The following CSMD1 variants were observed in gnomAD, a reference collection of about 807,000 sequenced individuals.
CSMD1 encodes CUB and sushi domain-containing protein 1.
Under a neutral mutation model 417.5 loss-of-function variants are expected in CSMD1, and 213 were observed. The ratio of observed to expected loss-of-function variants is 0.51; its 90% CI spans 0.46 to 0.57. The LOEUF (loss-of-function observed/expected upper bound fraction) is 0.57. Among genes scored for constraint, CSMD1 ranks in the 20% least tolerant of loss-of-function variants. The pLI, the probability that CSMD1 is intolerant of heterozygous loss-of-function variation, is 0.00. For missense variants in CSMD1, 6,923 were observed against 4,529.7 expected, an observed-to-expected ratio of 1.53 and a Z score of -15.17; for synonymous variants, 2,862 against 1,736.8, an observed-to-expected ratio of 1.65 and a Z score of -16.11.
chr8:3,853,109 C>A (rs1268190708), intron 5 of CSMD1, among the ~76,000 whole-genome samples: 1 of 152,144 alleles, frequency 6.6e-6, no homozygotes. Context: ...CATTCTTGAT[C>A]CAAAAGCAGC....
chr8:4,307,963 A>T (rs1798340766), intron 3 of CSMD1, among the ~76,000 whole-genome samples: 1 of 152,166 alleles, frequency 6.6e-6, no homozygotes, highest in Non-Finnish European at 1.5e-5. Flanking sequence ...GGAGAGACAC[A>T]CCTGAAGAAA....
At chr8:4,497,838 A>T (rs1802054922) in intron 2 of CSMD1, among the ~76,000 whole-genome samples, 1 of 152,164 alleles carries the variant, frequency 6.6e-6, no homozygotes, top group South Asian at 2.1e-4. Flanking sequence ...CGGTAGAAAA[A>T]TAATTTCTTT....
intron 5 of CSMD1, among the ~76,000 whole-genome samples, chr8:3,843,463 T>C (rs1365773977): frequency 2.0e-5 from 3 of 152,124 alleles, no homozygotes; most frequent in African/African-American, 7.2e-5. Flanking sequence ...AAGATCAAAA[T>C]GACAAATTAC....
intron 12 of CSMD1, among the ~76,000 whole-genome samples, chr8:3,433,225 T>C (rs765687185): frequency 6.6e-6 from 1 of 152,214 alleles, no homozygotes; most frequent in Non-Finnish European, 1.5e-5. Flanking sequence ...GTTGTTGACA[T>C]AGAGATGTAG....
chr8:4,586,995 T>A (rs531089831), intron 2 of CSMD1, among the ~76,000 whole-genome samples: 1 of 152,240 alleles, frequency 6.6e-6, no homozygotes, highest in Admixed American at 6.5e-5. Context: ...TAAAAAGTTA[T>A]AATAGAGATA....
At position 3,843,244 on chromosome 8, in the gene CSMD1, C is replaced by G. The variant is rs1417261163; in HGVS notation, c.819-89202G>C. Among the ~76,000 whole-genome samples the G allele has an allele frequency of 3.3e-5, 5 of 152,168 alleles. No individual in the cohort carries two copies. In the East Asian group the frequency reaches 7.7e-4, roughly 23 times the overall value. On this transcript the variant is annotated intron_variant, in intron 5 of 69. Transcript: ENST00000635120. Reference sequence around the variant, plus strand: ...TTTGTAATTAACACAAAATCATCTGCTGATAAACTACTCCACTAAAAATAC... The same window carrying G: ...TTTGTAATTAACACAAAATCATCTGGTGATAAACTACTCCACTAAAAATAC...
At chr8:4,590,516 G>T (rs867032376) in intron 2 of CSMD1, among the ~76,000 whole-genome samples, 2 of 151,888 alleles carry the variant, frequency 1.3e-5, no homozygotes, top group East Asian at 1.9e-4. Flanking sequence ...TATTTGAAGC[G>T]CTAGCATAAT....
At chr8:3,740,209 G>A (rs757850444) in intron 6 of CSMD1, among the ~76,000 whole-genome samples, 32 of 152,258 alleles carry the variant, frequency 2.1e-4, no homozygotes, top group Middle Eastern at 3.4e-3. Context: ...AGGTTCAAGT[G>A]AGTCTCCTGC....
intron 1 of CSMD1, among the ~76,000 whole-genome samples, chr8:4,672,067 T>C (rs572845396): frequency 5.3e-5 from 8 of 152,136 alleles, no homozygotes; most frequent in South Asian, 2.1e-4. Flanking sequence ...TGTTGAAAGA[T>C]AGAGTTTCCT....
intron 21 of CSMD1, among the ~76,000 whole-genome samples, chr8:3,350,086 TATAATAACCTATA>T (rs1808312522): frequency 7.8e-6 from 1 of 127,758 alleles, no homozygotes; most frequent in African/African-American, 3.3e-5. Context: ...TTATAATACC[TATAATAACCTATA>T]ATAACTTGTG....
Position 4,219,305 on chromosome 8 carries a change from T to G in CSMD1, c.416-187206A>C, listed in dbSNP as rs117863244. 5.6e-4 allele frequency among the ~76,000 whole-genome samples: 85 copies of G among 152,352 alleles called. 1 individual carries two copies. The East Asian group carries it at 0.016, about 28-fold the overall frequency. ...TTTCAGTTCAAATGCAGGTCTTTTC[T>G]TCTCTCTCAGTAATTTCATTCACTT... On this transcript the variant is annotated intron_variant, in intron 3 of 69. Coordinates refer to ENST00000635120, the MANE Select transcript of CSMD1 (RefSeq NM_033225.6).
intron 1 of CSMD1, among the ~76,000 whole-genome samples, chr8:4,732,181 G>A (rs1328110503): frequency 1.3e-5 from 2 of 152,130 alleles, no homozygotes; most frequent in African/African-American, 4.8e-5. Flanking sequence ...GCGTTCGGTA[G>A]CAGACCGCAG....
chr8:3,631,889 T>C (rs141760371), intron 7 of CSMD1, among the ~76,000 whole-genome samples: 1 of 152,302 alleles, frequency 6.6e-6, no homozygotes, highest in African/African-American at 2.4e-5. Flanking sequence ...AACCTGACTT[T>C]ATGCAGAGTA....
At chr8:4,318,931 A>G (rs1369007477) in intron 3 of CSMD1, among the ~76,000 whole-genome samples, 2 of 152,158 alleles carry the variant, frequency 1.3e-5, no homozygotes, top group African/African-American at 4.8e-5. Context: ...TTTTAATTTT[A>G]CTCTCTTTAT....
At chr8:3,536,953 A>G (rs189530193) in intron 10 of CSMD1, among the ~76,000 whole-genome samples, 155 of 152,224 alleles carry the variant, frequency 1.0e-3, no homozygotes, top group African/African-American at 3.5e-3. Context: ...ATTTACTGGG[A>G]GCTTTCACAT....
intron 29 of CSMD1, 119 bp from the exon 30 acceptor site, chr8:3,214,810 A>C (rs982602844): frequency 3.5e-6 from 2 of 579,160 alleles, no homozygotes; most frequent in African/African-American, 1.9e-5. Context: ...TGTCCTAAAT[A>C]AGTAAGAAAT....
At chr8:4,574,170 CA>C (rs35348455) in intron 2 of CSMD1, among the ~76,000 whole-genome samples, 2 of 151,368 alleles carry the variant, frequency 1.3e-5, no homozygotes, top group Non-Finnish European at 2.9e-5. Flanking sequence ...CGCTGGGGTC[CA>C]AAAAAAACCT....
chr8:4,037,617 C>CTCTTG (rs149783017), intron 3 of CSMD1, among the ~76,000 whole-genome samples: 2 of 151,808 alleles, frequency 1.3e-5, no homozygotes, highest in African/African-American at 4.8e-5. Flanking sequence ...GACTTTAGGT[C>CTCTTG]TCTTATATTT....
chr8:4,399,431 T>C (rs573103944), intron 3 of CSMD1, among the ~76,000 whole-genome samples: 28 of 152,314 alleles, frequency 1.8e-4, no homozygotes, highest in South Asian at 6.2e-4. Flanking sequence ...ATGTGAGAAA[T>C]TGATGAGCCT....
Sources: allele counts gnomAD v4.1 joint callset (sites outside exome capture counted in the v4.1 genomes callset), GRCh38; gene constraint gnomAD v4.1.1; transcripts MANE v1.5; gene names NCBI Gene and HGNC (gene_info 2026-07-23, HGNC 2026-07-21).